The following OR3A2 variants were observed in gnomAD, a reference collection of about 807,000 sequenced individuals.
OR3A2 encodes the protein olfactory receptor family 3 subfamily A member 2.
For missense variants in OR3A2, 318 were observed against 392.8 expected (o/e 0.81, Z 1.61); for synonymous variants, 126 against 159.3 (o/e 0.79, Z 1.57).
chr17:3,383,887 G>C (rs1413469754), exon 2 of OR3A2: 3 of 151,944 alleles, frequency 2.0e-5, no homozygotes, highest in African/African-American at 2.4e-5. Flanking sequence ...TTCATTCATT[G>C]CTCTTCCAAA....
downstream of OR3A2, among the ~76,000 whole-genome samples, chr17:3,276,212 C>G (rs1302456029): frequency 6.6e-6 from 1 of 151,720 alleles, no homozygotes; most frequent in Non-Finnish European, 1.5e-5. Flanking sequence ...GAAATTGTGA[C>G]TTACATGTTT....
At chr17:3,283,676 A>G (rs1205044899) in intron 1 of OR3A2, among the ~76,000 whole-genome samples, 2 of 152,210 alleles carry the variant, frequency 1.3e-5, no homozygotes, top group Non-Finnish European at 2.9e-5. Context: ...TGCAGGGTTC[A>G]AGGCTGTGGC....
chr17:3,363,998 G>A (rs1391995110), intron 2 of OR3A2, among the ~76,000 whole-genome samples: 2 of 152,152 alleles, frequency 1.3e-5, no homozygotes, highest in Admixed American at 1.3e-4. Context: ...CTCCCACCAG[G>A]CCTCTCCTCC....
chr17:3,276,421 T>C (rs141784396), downstream of OR3A2, among the ~76,000 whole-genome samples: 286 of 152,330 alleles, frequency 1.9e-3, no homozygotes, highest in African/African-American at 6.5e-3. Context: ...AGGCGTAAAC[T>C]CTGAACAGTG....
At chr17:3,372,832 GGGAGGAGAAGGAGAA>G (rs2049642569) in intron 2 of OR3A2, among the ~76,000 whole-genome samples, 27 of 127,478 alleles carry the variant, frequency 2.1e-4, no homozygotes, top group Middle Eastern at 4.2e-3. Context: ...GAGAGGGAGA[GGGAGGAGAAGGAGAA>G]GGAGAGGGAG....
At chr17:3,324,846 C>T (rs2049157273) in intron 3 of OR3A2, among the ~76,000 whole-genome samples, 1 of 152,104 alleles carries the variant, frequency 6.6e-6, no homozygotes, top group Non-Finnish European at 1.5e-5. Context: ...TCTCAGATCT[C>T]AAGCTGAGAT....
At chr17:3,364,075 T>A (rs1409978777) in intron 2 of OR3A2, among the ~76,000 whole-genome samples, 1 of 152,138 alleles carries the variant, frequency 6.6e-6, no homozygotes, top group Non-Finnish European at 1.5e-5. Context: ...AAAAGTAACT[T>A]ATAAATGATA....
At chr17:3,358,828 T>C (rs921184297) in intron 2 of OR3A2, among the ~76,000 whole-genome samples, 4 of 151,878 alleles carry the variant, frequency 2.6e-5, no homozygotes, top group Admixed American at 1.3e-4. Context: ...AGGTCCTAAA[T>C]ATCATTGTTA....
At position 3,368,798 on chromosome 17, in the gene OR3A2, T is replaced by C. The variant is rs752141557; in HGVS notation, c.-179+15006A>G. On this transcript the variant is annotated intron_variant, in intron 2 of 4. Transcript: ENST00000573491. ...AATAATGATGGTACTTTGGTGAGCA[T>C]TGCAATGAATTTGTAGATTGCTTTT... is the stretch of plus-strand genomic sequence containing the variant. 5.3e-5 allele frequency among the ~76,000 whole-genome samples: 8 copies of C among 152,318 alleles called. No homozygotes were observed. In the East Asian group the frequency reaches 9.6e-4, roughly 18 times the overall value.
At chr17:3,321,144 G>T (rs2049118524) in intron 3 of OR3A2, among the ~76,000 whole-genome samples, 1 of 151,836 alleles carries the variant, frequency 6.6e-6, no homozygotes, top group Non-Finnish European at 1.5e-5. Context: ...TGAAGCAATT[G>T]TGAATGGGAG....
intron 3 of OR3A2, among the ~76,000 whole-genome samples, chr17:3,322,559 C>T (rs543879857): frequency 1.5e-4 from 23 of 152,146 alleles, no homozygotes; most frequent in Non-Finnish European, 1.8e-4. Flanking sequence ...CCCAGAGATT[C>T]TGGTATGTTG....
intron 3 of OR3A2, among the ~76,000 whole-genome samples, chr17:3,331,698 G>A (rs1171341817): frequency 4.0e-5 from 6 of 151,656 alleles, no homozygotes; most frequent in Non-Finnish European, 8.8e-5. Context: ...ATAGTCTGAA[G>A]CCTTCTTCTC....
chr17:3,386,038 C>T, intron 1 of OR3A2, 87 bp downstream of exon 1: 2 of 398,788 alleles, frequency 5.0e-6, no homozygotes, highest in Non-Finnish European at 8.8e-6. Context: ...CATCTATCTG[C>T]TCAACGCCCT....
At chr17:3,358,664 TA>T (rs2049482865) in intron 2 of OR3A2, among the ~76,000 whole-genome samples, 1 of 151,936 alleles carries the variant, frequency 6.6e-6, no homozygotes, top group South Asian at 2.1e-4. Flanking sequence ...GTTTTGGTTC[TA>T]TTACATTTGT....
upstream of OR3A2, among the ~76,000 whole-genome samples, chr17:3,288,246 C>CAAAAAAA: frequency 8.2e-5 from 6 of 73,486 alleles, no homozygotes; most frequent in Admixed American, 2.8e-4. Context: ...ACCAAAAGGG[C>CAAAAAAA]AAAAAAAAAA....
At chr17:3,315,184 C>A (rs915978007) in intron 3 of OR3A2, among the ~76,000 whole-genome samples, 19 of 152,160 alleles carry the variant, frequency 1.2e-4, no homozygotes, top group Non-Finnish European at 2.6e-4. Flanking sequence ...ATGATTTACT[C>A]TCCTTTGGAT....
At chr17:3,291,528 G>T in intron 3 of OR3A2, 2 of 795,302 alleles carry the variant, frequency 2.5e-6, no homozygotes, top group Non-Finnish European at 3.9e-6. Flanking sequence ...TCCTTCTTAT[G>T]CCCATGAAAC....
At chr17:3,329,045 A>G (rs2049204482) in intron 3 of OR3A2, among the ~76,000 whole-genome samples, 1 of 151,174 alleles carries the variant, frequency 6.6e-6, no homozygotes, top group Non-Finnish European at 1.5e-5. Flanking sequence ...CCAGCCTTGC[A>G]TCCCAGGGAT....
chr17:3,382,013 C>A lies in OR3A2; in HGVS notation c.-179+1791G>T, dbSNP rs932698523. ...TATACCAGCAAATGAGGGCCAAGTT[C>A]CCAATGAGAGATACAAGAAGCAGGA... On this transcript the variant is annotated intron_variant, in intron 2 of 4. Coordinates refer to the OR3A2 transcript ENST00000573491. Among the ~76,000 whole-genome samples the A allele has an allele frequency of 3.9e-5, 6 of 152,244 alleles. No individual in the cohort carries two copies. The East Asian group carries it at 1.2e-3, about 29-fold the overall frequency.
Sources: gnomAD v4.1 joint callset for allele counts (sites outside exome capture counted in the v4.1 genomes callset) on GRCh38, gnomAD v4.1.1 for gene constraint, MANE v1.5 for transcripts, NCBI Gene and HGNC (gene_info 2026-07-23, HGNC 2026-07-21) for gene names.